Variants in SOX6 observed in about 807,000 individuals in gnomAD.
SOX6 encodes the protein transcription factor SOX-6.
SOX6 carries 11 observed loss-of-function variants against 97.8 expected under a neutral mutation model. That is an observed-to-expected ratio of 0.11 (90% confidence interval 0.07 to 0.19). SOX6 has a LOEUF of 0.19. Among genes scored for constraint, SOX6 ranks in the 10% least tolerant of loss-of-function variants. The pLI is 1.00. For missense variants in SOX6, 810 were observed against 1,039.5 expected (o/e 0.78, Z 3.04); for synonymous variants, 360 against 371.4 (o/e 0.97, Z 0.35).
intron 1 of SOX6, among the ~76,000 whole-genome samples, chr11:16,451,998 A>ATAAATAAATAAATAAG (rs1859727402): frequency 6.6e-6 from 1 of 151,402 alleles, no homozygotes; most frequent in African/African-American, 2.4e-5. Flanking sequence ...AAATAAATAA[A>ATAAATAAATAAATAAG]TAAATAAATA....
intron 4 of SOX6, among the ~76,000 whole-genome samples, chr11:16,571,133 G>A (rs1391186287): frequency 6.6e-6 from 1 of 152,098 alleles, no homozygotes; most frequent in Non-Finnish European, 1.5e-5. Context: ...CTACTGAATT[G>A]TTGCCAATGT....
At chr11:16,303,312 A>G (rs567966704) in intron 3 of SOX6, among the ~76,000 whole-genome samples, 1 of 152,334 alleles carries the variant, frequency 6.6e-6, no homozygotes, top group East Asian at 1.9e-4. Flanking sequence ...CATTGTGAAG[A>G]TAGACTAAAG....
Position 16,010,134 on chromosome 11 carries a change from A to G in SOX6, c.1732+4808T>C, listed in dbSNP as rs1464142575. ...TAGAAGCAGTTGGAGCTACACACAC[A>G]CACACACACACACACACACACACAC... is the stretch of plus-strand genomic sequence containing the variant. On this transcript the variant is annotated intron_variant, in intron 13 of 15. Transcript: ENST00000683767. 1.1e-4 allele frequency among the ~76,000 whole-genome samples: 8 copies of G among 72,850 alleles called. 1 individual carries two copies. The highest frequency in any genetic ancestry group is 2.6e-4 in the African/African-American group (8 of 30,732). The allele number at this position is 72,850 out of a possible 152,430, so 47.8% of individuals were successfully genotyped here. A position where few individuals can be genotyped will look rare whatever the true frequency, so the allele number is the denominator to read the frequency against.
chr11:16,019,068 A>G (rs1194929753), intron 12 of SOX6, among the ~76,000 whole-genome samples: 3 of 152,106 alleles, frequency 2.0e-5, no homozygotes, highest in African/African-American at 7.2e-5. Context: ...TTTTCAAACC[A>G]TATGCGAAGT....
intron 1 of SOX6, among the ~76,000 whole-genome samples, chr11:16,369,483 G>A (rs924748): frequency 0.043 from 6,580 of 152,154 alleles, 447 homozygotes; most frequent in African/African-American, 0.14. Flanking sequence ...TATATTTTAA[G>A]TACAAGAATC....
intron 3 of SOX6, among the ~76,000 whole-genome samples, chr11:16,670,270 G>C (rs1343105593): frequency 6.6e-6 from 1 of 152,086 alleles, no homozygotes; most frequent in Non-Finnish European, 1.5e-5. Context: ...CAAGCTTACA[G>C]TGCACCATAC....
chr11:16,479,507 G>C (rs1258286755), upstream of SOX6, among the ~76,000 whole-genome samples: 1 of 150,438 alleles, frequency 6.6e-6, no homozygotes, highest in African/African-American at 2.4e-5. Context: ...TCCAACCCGG[G>C]CAACGGAGTG....
chr11:16,585,700 TGAGA>T (rs1848084441), intron 4 of SOX6, among the ~76,000 whole-genome samples: 1 of 132,972 alleles, frequency 7.5e-6, no homozygotes, highest in South Asian at 2.4e-4. Context: ...TTTTTTTTTT[TGAGA>T]CAGGGTCTCA....
chr11:16,363,519 T>C (rs1483285189), intron 1 of SOX6, among the ~76,000 whole-genome samples: 1 of 152,158 alleles, frequency 6.6e-6, no homozygotes, highest in Admixed American at 6.6e-5. Flanking sequence ...TCAACCTGTA[T>C]TAAAGATGTA....
chr11:16,000,841 A>G (rs1854385386), intron 13 of SOX6, among the ~76,000 whole-genome samples: 1 of 151,882 alleles, frequency 6.6e-6, no homozygotes, highest in South Asian at 2.1e-4. Context: ...CAAACTTTTT[A>G]TTTTTATTTA....
intron 6 of SOX6, among the ~76,000 whole-genome samples, chr11:16,144,269 T>G (rs907006792): frequency 6.6e-6 from 1 of 152,102 alleles, no homozygotes; most frequent in Non-Finnish European, 1.5e-5. Context: ...CATAAGGAAA[T>G]GAAGGCAGAA....
intron 1 of SOX6, among the ~76,000 whole-genome samples, chr11:16,344,751 G>C (rs1590143189): frequency 6.6e-6 from 1 of 151,936 alleles, no homozygotes; most frequent in African/African-American, 2.4e-5. Flanking sequence ...CAATTTCGAT[G>C]TGACTTTACT....
chr11:16,298,385 T>G (rs1402967799), intron 3 of SOX6, among the ~76,000 whole-genome samples: 2 of 152,168 alleles, frequency 1.3e-5, no homozygotes, highest in Admixed American at 1.3e-4. Context: ...AAGGAATTTT[T>G]CAATACAAAC....
At chr11:16,199,162 G>A (rs1055095330) in intron 4 of SOX6, among the ~76,000 whole-genome samples, 2 of 152,142 alleles carry the variant, frequency 1.3e-5, no homozygotes, top group African/African-American at 4.8e-5. Context: ...GAGTATCTGA[G>A]CCATATCTGA....
intron 3 of SOX6, among the ~76,000 whole-genome samples, chr11:16,240,499 TC>T (rs1337999653): frequency 2.6e-5 from 4 of 152,058 alleles, no homozygotes; most frequent in African/African-American, 9.7e-5. Flanking sequence ...GATATTTTTT[TC>T]ATAGGCATTC....
At chr11:16,426,932 A>AC (rs1471809779) in intron 1 of SOX6, among the ~76,000 whole-genome samples, 1 of 148,878 alleles carries the variant, frequency 6.7e-6, no homozygotes, top group Admixed American at 6.6e-5. Context: ...AAAAAAAAAA[A>AC]AAAACTGGAT....
At chr11:16,677,632 T>A (rs1465385254) in intron 3 of SOX6, among the ~76,000 whole-genome samples, 1 of 152,238 alleles carries the variant, frequency 6.6e-6, no homozygotes, top group Non-Finnish European at 1.5e-5. Context: ...CTAAATTTTT[T>A]AATTTGTTTT....
intron 13 of SOX6, among the ~76,000 whole-genome samples, chr11:16,003,865 T>C (rs1203263583): frequency 6.6e-6 from 1 of 152,062 alleles, no homozygotes; most frequent in African/African-American, 2.4e-5. Context: ...ACTTCTTTGA[T>C]TGACTAGCCA....
chr11:16,043,655 T>C (rs116911759), intron 12 of SOX6, among the ~76,000 whole-genome samples: 1 of 152,272 alleles, frequency 6.6e-6, no homozygotes, highest in Non-Finnish European at 1.5e-5. Flanking sequence ...ATTTATGATA[T>C]ATACAAAGAC....
Sources: gnomAD v4.1 joint callset for allele counts (sites outside exome capture counted in the v4.1 genomes callset) on GRCh38, gnomAD v4.1.1 for gene constraint, MANE v1.5 for transcripts, NCBI Gene and HGNC (gene_info 2026-07-23, HGNC 2026-07-21) for gene names.